The following APOC4 variants were observed in gnomAD, a reference collection of about 807,000 sequenced individuals.
APOC4 encodes apolipoprotein C-IV.
In APOC4, 10 loss-of-function variants were observed where a neutral mutation model predicts 8.4. The ratio of observed to expected loss-of-function variants is 1.19; its 90% confidence interval spans 0.74 to 2.03. The LOEUF is 2.03. APOC4 is among the 30% of genes most tolerant of loss of function. The probability of loss-of-function intolerance (pLI) is 0.00; values close to 1 mark genes in which losing one functional copy is unlikely to be tolerated. For synonymous variants in APOC4, 59 were observed against 65.8 expected, an observed-to-expected ratio of 0.90 and a Z score of 0.50; for missense variants, 160 against 156.1, an observed-to-expected ratio of 1.02 and a Z score of -0.13.
At chr19:44,942,456 T>C in intron 1 of APOC4, 103 bp downstream of exon 1, 2 of 1,148,934 alleles carry the variant, frequency 1.7e-6, no homozygotes, top group Non-Finnish European at 2.5e-6. Flanking sequence ...GAGTACGGAG[T>C]GTGTGCGTTT....
chr19:44,943,585 T>C (rs998648550), intron 1 of APOC4, among the ~76,000 whole-genome samples: 1 of 151,718 alleles, frequency 6.6e-6, no homozygotes, highest in Admixed American at 6.6e-5. Flanking sequence ...AAATTAGCCA[T>C]GCATGGTGGC....
Position 44,944,841 on chromosome 19 carries a change from C to G in APOC4, c.169C>G (p.Leu57Val), listed in dbSNP as rs1310450399. ...CCTGGTGAGGGGCAGGATGAAGGAG[C>G]TGCTGGAGACAGTGGTGAACAGGAC... ...WSLVRGRMKE[L>V]LETVVNRTRD... Residue 57 changes from leucine to valine, a missense_variant, in exon 2 of 3, where the codon CTG becomes GTG. By Grantham distance (32) the Leu-to-Val change is conservative (BLOSUM62 1). Transcript: ENST00000592954. 1.9e-6 allele frequency: 3 copies of G among 1,608,420 alleles called. No homozygotes were observed. The highest frequency in any genetic ancestry group is 1.7e-5 in the Admixed American group (1 of 58,270).
At chr19:44,942,690 T>A (rs1970272597) in intron 1 of APOC4, among the ~76,000 whole-genome samples, 1 of 151,760 alleles carries the variant, frequency 6.6e-6, no homozygotes, top group Non-Finnish European at 1.5e-5. Flanking sequence ...AATATTTGAG[T>A]GTGTGGACAT....
intron 1 of APOC4, among the ~76,000 whole-genome samples, chr19:44,944,017 G>C (rs1353065360): frequency 6.6e-6 from 1 of 152,172 alleles, no homozygotes; most frequent in Non-Finnish European, 1.5e-5. Flanking sequence ...CTAAGCCAAT[G>C]TCTGCCCCTG....
At chr19:44,943,066 A>T (rs1300980107) in intron 1 of APOC4, among the ~76,000 whole-genome samples, 2 of 151,900 alleles carry the variant, frequency 1.3e-5, no homozygotes, top group East Asian at 3.9e-4. Context: ...GGACTACAGG[A>T]GCCCACCACC....
chr19:44,942,240 G>A lies in APOC4; in HGVS notation c.-38G>A, dbSNP rs1896091018. On this transcript the variant is annotated 5_prime_UTR_variant, in exon 1 of 3. Transcript: ENST00000592954. ...AGCCTCCCCTCCCCCGGCCCGCAGA[G>A]TTGAGCACAGAGGGACAGAGGCACG... 6.4e-7 allele frequency: 1 copy of A among 1,574,700 alleles called. No individual in the cohort carries two copies. Among genetic ancestry groups the A allele is most frequent in the African/African-American group, 1.4e-5 (1 of 74,070 alleles).
chr19:44,944,865 A>G lies in APOC4; in HGVS notation c.193A>G (p.Thr65Ala). 1 of 1,607,562 alleles carries G rather than the reference A, an allele frequency of 6.2e-7. No individual in the cohort carries two copies. Among genetic ancestry groups the G allele is most frequent in the Non-Finnish European group, 8.5e-7 (1 of 1,177,782 alleles). Reference protein sequence around the residue: ...KELLETVVNRTRDGWQWFWSP... With the variant: ...KELLETVVNRARDGWQWFWSP... ...GCTGCTGGAGACAGTGGTGAACAGGACCAGAGACGGGTGGCAATGGTTCTG... is the reference window on the plus strand; with the variant it reads ...GCTGCTGGAGACAGTGGTGAACAGGGCCAGAGACGGGTGGCAATGGTTCTG... The change falls in exon 2 of 3, where the codon ACC becomes GCC. Residue 65 changes from threonine (T) to alanine (A), a missense_variant. By Grantham distance (58) the Thr-to-Ala change is moderately conservative (BLOSUM62 0). Transcript: ENST00000592954.
Position 44,945,483 on chromosome 19 carries a change from A to T in APOC4, c.*178A>T, listed in dbSNP as rs1333193861. On this transcript the variant is annotated 3_prime_UTR_variant, in exon 3 of 3. Coordinates refer to ENST00000592954, the MANE Select transcript of APOC4 (RefSeq NM_001646.3). Reference sequence around the variant, plus strand: ...AAAGTTCATACTTCTCCAATAAATAAAGTCTCACCTGTGTCCCTGTCTGGA... The same window carrying T: ...AAAGTTCATACTTCTCCAATAAATATAGTCTCACCTGTGTCCCTGTCTGGA... The T allele has an allele frequency of 3.4e-6, 2 of 593,088 alleles. No individual in the cohort carries two copies. Among genetic ancestry groups the T allele is most frequent in the Non-Finnish European group, 5.6e-6 (2 of 354,552 alleles). The allele number at this position is 593,088 out of a possible 1,614,324, so 36.7% of individuals were successfully genotyped here. A position where few individuals can be genotyped will look rare whatever the true frequency, so the allele number is the denominator to read the frequency against.
chr19:44,943,495 G>A (rs928346943), intron 1 of APOC4, among the ~76,000 whole-genome samples: 1 of 151,822 alleles, frequency 6.6e-6, no homozygotes, highest in Non-Finnish European at 1.5e-5. Flanking sequence ...AGGCCGAGGC[G>A]GGTGGATCGC....
intron 1 of APOC4, among the ~76,000 whole-genome samples, chr19:44,942,919 C>T (rs2122198263): frequency 6.6e-6 from 1 of 151,522 alleles, no homozygotes; most frequent in African/African-American, 2.4e-5. Flanking sequence ...CGCCACCATG[C>T]CTGGCTAATT....
chr19:44,945,451 A>C lies in APOC4; in HGVS notation c.*146A>C. 1 of 667,454 alleles carries C rather than the reference A, an allele frequency of 1.5e-6. No homozygotes were observed. Among genetic ancestry groups the C allele is most frequent in the Non-Finnish European group, 2.3e-6 (1 of 431,256 alleles). The allele number at this position is 667,454 out of a possible 1,614,324, so 41.3% of individuals were successfully genotyped here. ...GATCTCTTGGGGGTAAAACAAAAAG[A>C]AAAAAAAAAGTTCATACTTCTCCAA... On this transcript the variant is annotated 3_prime_UTR_variant, in exon 3 of 3. Coordinates refer to ENST00000592954, the MANE Select transcript of APOC4 (RefSeq NM_001646.3).
rs781191811 is a variant in APOC4 at position 44,944,903 on chromosome 19, T to G, written c.218+13T>G. Reference sequence around the variant, plus strand: ...GGCAATGGTTCTGGTGAGGGTGTGCTGGGCTGGGTGGTGGGAGGGGACTCC... The same window carrying G: ...GGCAATGGTTCTGGTGAGGGTGTGCGGGGCTGGGTGGTGGGAGGGGACTCC... On this transcript the variant is annotated intron_variant, in intron 2 of 2. Coordinates refer to ENST00000592954, the MANE Select transcript of APOC4 (RefSeq NM_001646.3). The G allele has an allele frequency of 6.3e-7, 1 of 1,594,740 alleles. No homozygotes were observed. The highest frequency in any genetic ancestry group is 2.3e-5 in the East Asian group (1 of 44,332).
Position 44,945,474 on chromosome 19 carries a change from C to A in APOC4, c.*169C>A. On this transcript the variant is annotated 3_prime_UTR_variant, in exon 3 of 3. Transcript: ENST00000592954. ...AGAAAAAAAAAAGTTCATACTTCTCCAATAAATAAAGTCTCACCTGTGTCC... is the reference window on the plus strand; with the variant it reads ...AGAAAAAAAAAAGTTCATACTTCTCAAATAAATAAAGTCTCACCTGTGTCC... 2 of 653,832 alleles carry A rather than the reference C, an allele frequency of 3.1e-6. No individual in the cohort carries two copies. The highest frequency in any genetic ancestry group is 2.1e-5 in the South Asian group (1 of 46,554). 40.5% of individuals were successfully genotyped at this position (653,832 alleles called of 1,614,324 possible). A position where few individuals can be genotyped will look rare whatever the true frequency, so the allele number is the denominator to read the frequency against.
rs138574604 is a variant in APOC4, at chr19:44,942,345, G to A, written c.68G>A (p.Cys23Tyr). The change falls in exon 1 of 3, where the codon TGC becomes TAC. Residue 23 changes from cysteine (C) to tyrosine (Y), a missense_variant. Coordinates refer to ENST00000592954, the MANE Select transcript of APOC4 (RefSeq NM_001646.3). ...ALCLCVLVLACIGACQPEAQE... is the reference protein window; with the variant it reads ...ALCLCVLVLAYIGACQPEAQE... The stretch of plus-strand genomic sequence containing the variant: ...TGCCTCTGCGTGCTGGTCCTGGCCT[G>A]CATTGGGGGTGAGAAGAAGTGGGTG... 1.2e-6 allele frequency: 2 copies of A among 1,613,454 alleles called. No homozygotes were observed. Among genetic ancestry groups the A allele is most frequent in the Non-Finnish European group, 8.5e-7 (1 of 1,179,746 alleles).
In APOC4 at chr19:44,945,226, T is replaced by G. The variant is rs1402986635; in HGVS notation, c.305T>G (p.Leu102Arg). ...DLGPLTKAWF[L>R]ESKDSLLKKT... ...GGTCCGCTCACCAAGGCCTGGTTCC[T>G]CGAATCCAAAGACAGCCTCTTGAAG... Residue 102 changes from leucine (L) to arginine (R), a missense_variant, in exon 3 of 3, where the codon CTC becomes CGC. Physicochemically the swap from Leu to Arg is moderately radical, Grantham distance 102. Coordinates refer to ENST00000592954, the MANE Select transcript of APOC4 (RefSeq NM_001646.3). 2 of 1,614,058 alleles carry G rather than the reference T, an allele frequency of 1.2e-6. No homozygotes were observed. Among genetic ancestry groups the G allele is most frequent in the Non-Finnish European group, 8.5e-7 (1 of 1,180,000 alleles).
intron 2 of APOC4, 115 bp downstream of exon 2, chr19:44,945,005 AC>A: frequency 6.6e-7 from 1 of 1,521,520 alleles, no homozygotes; most frequent in South Asian, 1.3e-5. Flanking sequence ...TGGGGCTGTG[AC>A]CCCTAGGTCT....
Position 44,944,235 on chromosome 19 carries a change from A to G in APOC4, c.77-514A>G, listed in dbSNP as rs1970291133. Reference sequence around the variant, plus strand: ...GGTGACAGGAGGGACTACTGACACAAGGTGAAGAGATGGCCCAGCCGGACG... The same window carrying G: ...GGTGACAGGAGGGACTACTGACACAGGGTGAAGAGATGGCCCAGCCGGACG... On this transcript the variant is annotated intron_variant, in intron 1 of 2. Transcript: ENST00000592954. Among the ~76,000 whole-genome samples the G allele has an allele frequency of 2.0e-5, 3 of 152,162 alleles. No individual in the cohort carries two copies. The South Asian group carries it at 6.2e-4, about 31-fold the overall frequency.
rs550222346 is a variant in APOC4 at position 44,945,476 on chromosome 19, A to G, written c.*171A>G. ...AAAAAAAAAAGTTCATACTTCTCCA[A>G]TAAATAAAGTCTCACCTGTGTCCCT... is the stretch of plus-strand genomic sequence containing the variant. On this transcript the variant is annotated 3_prime_UTR_variant, in exon 3 of 3. Coordinates refer to ENST00000592954, the MANE Select transcript of APOC4 (RefSeq NM_001646.3). The G allele has an allele frequency of 1.6e-6, 1 of 641,780 alleles. No homozygotes were observed. Among genetic ancestry groups the G allele is most frequent in the South Asian group, 2.2e-5 (1 of 46,386 alleles). 39.8% of individuals were successfully genotyped at this position (641,780 alleles called of 1,614,324 possible).
In APOC4 at chr19:44,944,390, G is replaced by A. The variant is rs144011332; in HGVS notation, c.77-359G>A. ...AAAAATACAAAAATTAGCCGGGCAT[G>A]ATGGCAGATGCCTGTAATCCCTGCT... On this transcript the variant is annotated intron_variant, in intron 1 of 2. Coordinates refer to ENST00000592954, the MANE Select transcript of APOC4 (RefSeq NM_001646.3). Among the ~76,000 whole-genome samples, 106 of 152,206 alleles carry A rather than the reference G, an allele frequency of 7.0e-4. 2 individuals carry two copies. In the East Asian group the frequency reaches 0.014, roughly 20 times the overall value.
Sources: gnomAD v4.1 joint callset for allele counts (sites outside exome capture counted in the v4.1 genomes callset) on GRCh38, gnomAD v4.1.1 for gene constraint, MANE v1.5 for transcripts, NCBI Gene and HGNC (gene_info 2026-07-23, HGNC 2026-07-21) for gene names.